The following ZHX2 variants were observed in gnomAD, a reference collection of about 807,000 sequenced individuals.
ZHX2 encodes zinc fingers and homeoboxes 2, also known as zinc fingers and homeoboxes protein 2.
ZHX2 carries 6 observed loss-of-function variants against 21.9 expected under a neutral mutation model. That is an observed-to-expected ratio of 0.27 (90% CI 0.15 to 0.54). The LOEUF (loss-of-function observed/expected upper bound fraction) is 0.54. Among genes scored for constraint, ZHX2 ranks in the 20% least tolerant of loss-of-function variants. The pLI, the probability that ZHX2 is intolerant of heterozygous loss-of-function variation, is 0.95. For missense variants in ZHX2, 908 were observed against 1,090.7 expected, an observed-to-expected ratio of 0.83 and a Z score of 2.36; for synonymous variants, 434 against 437.1, an observed-to-expected ratio of 0.99 and a Z score of 0.09.
chr8:122,794,724 A>C (rs1193554656), intron 1 of ZHX2, among the ~76,000 whole-genome samples: 2 of 151,672 alleles, frequency 1.3e-5, no homozygotes, highest in Non-Finnish European at 2.9e-5. Flanking sequence ...AAAGCCTTCC[A>C]CCTCTTCCAC....
chr8:122,908,191 T>G (rs1820390315), intron 2 of ZHX2, among the ~76,000 whole-genome samples: 1 of 152,022 alleles, frequency 6.6e-6, no homozygotes. Context: ...AACTGTAAAG[T>G]CCTTGGTTTG....
chr8:122,833,517 G>C (rs980294772), intron 1 of ZHX2, among the ~76,000 whole-genome samples: 1 of 152,132 alleles, frequency 6.6e-6, no homozygotes, highest in African/African-American at 2.4e-5. Context: ...AACTACGGGC[G>C]GCGGATAAGG....
At chr8:122,965,083 T>A (rs1265658781) in intron 3 of ZHX2, among the ~76,000 whole-genome samples, 1 of 151,626 alleles carries the variant, frequency 6.6e-6, no homozygotes, top group African/African-American at 2.4e-5. Context: ...ATTTTGTTTA[T>A]CTTTTCAAAG....
At chr8:122,885,210 T>C (rs1819811708) in intron 2 of ZHX2, among the ~76,000 whole-genome samples, 1 of 152,218 alleles carries the variant, frequency 6.6e-6, no homozygotes, top group South Asian at 2.1e-4. Flanking sequence ...GAGACCTTTC[T>C]GGCTCATGGA....
chr8:122,962,880 T>C (rs964272811), intron 3 of ZHX2, among the ~76,000 whole-genome samples: 1 of 152,190 alleles, frequency 6.6e-6, no homozygotes, highest in Non-Finnish European at 1.5e-5. Flanking sequence ...TAATGAGTGA[T>C]GTTGAGCATT....
chr8:122,958,225 T>G (rs890781917), intron 3 of ZHX2, among the ~76,000 whole-genome samples: 1 of 152,194 alleles, frequency 6.6e-6, no homozygotes, highest in Admixed American at 6.5e-5. Context: ...CAGTCCAGGC[T>G]CACCTCGGCC....
intron 2 of ZHX2, among the ~76,000 whole-genome samples, chr8:122,886,363 G>A (rs1347621567): frequency 2.6e-5 from 4 of 152,148 alleles, no homozygotes; most frequent in African/African-American, 7.2e-5. Context: ...TTTTTAGGGC[G>A]GTGAAACTTC....
chr8:122,874,844 A>T (rs4498547), intron 2 of ZHX2, among the ~76,000 whole-genome samples: 114,798 of 151,836 alleles, frequency 0.76, 43,514 homozygotes, highest in African/African-American at 0.8. Context: ...AAATGGAGAT[A>T]CTTTTCTACA....
intron 1 of ZHX2, among the ~76,000 whole-genome samples, chr8:122,839,469 G>A (rs1268671745): frequency 6.6e-6 from 1 of 152,098 alleles, no homozygotes; most frequent in Non-Finnish European, 1.5e-5. Flanking sequence ...TGGACTCCAA[G>A]GGGTCCTCCC....
At chr8:122,941,163 C>T (rs1324850564) in intron 2 of ZHX2, among the ~76,000 whole-genome samples, 1 of 152,016 alleles carries the variant, frequency 6.6e-6, no homozygotes, top group Non-Finnish European at 1.5e-5. Context: ...GGGAGGATCA[C>T]TTGAACCCAG....
At chr8:122,854,411 C>G (rs1818981352) in intron 1 of ZHX2, among the ~76,000 whole-genome samples, 1 of 152,164 alleles carries the variant, frequency 6.6e-6, no homozygotes, top group East Asian at 1.9e-4. Context: ...GAAACTGAGG[C>G]CCAGGAGCAG....
intron 1 of ZHX2, among the ~76,000 whole-genome samples, chr8:122,826,119 G>GA (rs1818261485): frequency 6.6e-6 from 1 of 152,198 alleles, no homozygotes; most frequent in Admixed American, 6.5e-5. Context: ...TCACTAGAGG[G>GA]AAAATGGGCC....
chr8:122,923,669 A>T (rs1057057179), intron 2 of ZHX2, among the ~76,000 whole-genome samples: 1 of 152,180 alleles, frequency 6.6e-6, no homozygotes, highest in African/African-American at 2.4e-5. Flanking sequence ...CTGGAAGGAA[A>T]ATCTGAGAAG....
chr8:122,929,384 T>A (rs1820929137), intron 2 of ZHX2, among the ~76,000 whole-genome samples: 1 of 152,206 alleles, frequency 6.6e-6, no homozygotes, highest in Non-Finnish European at 1.5e-5. Flanking sequence ...GGACTGACAG[T>A]TGGATCCCAG....
chr8:122,938,559 G>A (rs912952011), intron 2 of ZHX2, among the ~76,000 whole-genome samples: 3 of 152,238 alleles, frequency 2.0e-5, no homozygotes, highest in South Asian at 2.1e-4. Flanking sequence ...CTGAGGGGCC[G>A]GGCACAGTGG....
At chr8:122,950,114 G>A (rs1813072375) in intron 2 of ZHX2, among the ~76,000 whole-genome samples, 1 of 152,108 alleles carries the variant, frequency 6.6e-6, no homozygotes. Flanking sequence ...ATACATATGG[G>A]TCAAGAGAAC....
chr8:122,834,420 G>C (rs1259348096), intron 1 of ZHX2, among the ~76,000 whole-genome samples: 2 of 152,226 alleles, frequency 1.3e-5, no homozygotes, highest in East Asian at 3.9e-4. Flanking sequence ...TTTGGGCATT[G>C]TCTGGACCTG....
At chr8:122,872,324 C>G (rs981859479) in intron 2 of ZHX2, among the ~76,000 whole-genome samples, 6 of 152,180 alleles carry the variant, frequency 3.9e-5, no homozygotes, top group African/African-American at 1.4e-4. Context: ...ATGTGCCACT[C>G]GTATGAAATT....
chr8:122,847,024 G>A (rs1257578011), intron 1 of ZHX2, among the ~76,000 whole-genome samples: 2 of 152,144 alleles, frequency 1.3e-5, no homozygotes, highest in Non-Finnish European at 2.9e-5. Flanking sequence ...GTTAGCTGAT[G>A]TTGTTGTTAT....
Sources: gnomAD v4.1 joint callset for allele counts (sites outside exome capture counted in the v4.1 genomes callset) on GRCh38, gnomAD v4.1.1 for gene constraint, MANE v1.5 for transcripts, NCBI Gene and HGNC (gene_info 2026-07-23, HGNC 2026-07-21) for gene names.